Variants in CSMD2 observed in about 807,000 individuals in gnomAD.
The protein encoded by CSMD2 is CUB and sushi domain-containing protein 2.
Under a neutral mutation model 398.5 loss-of-function variants are expected in CSMD2, and 130 were observed. The ratio of observed to expected loss-of-function variants is 0.33; its 90% CI spans 0.28 to 0.38. CSMD2 has a LOEUF of 0.38. CSMD2 is among the 10% of genes least tolerant of loss of function. The pLI is 1.00. For synonymous variants in CSMD2, 1,828 were observed against 1,908.5 expected (o/e 0.96, Z 1.10); for missense variants, 3,829 against 4,764.9 (o/e 0.80, Z 5.78).
chr1:34,134,909 G>A (rs1638560294), intron 1 of CSMD2, among the ~76,000 whole-genome samples: 1 of 152,182 alleles, frequency 6.6e-6, no homozygotes, highest in African/African-American at 2.4e-5. Flanking sequence ...TTAAAAAGTT[G>A]TTGGGAAAGG....
chr1:33,644,299 A>G (rs1156545343), intron 29 of CSMD2, among the ~76,000 whole-genome samples: 3 of 152,216 alleles, frequency 2.0e-5, no homozygotes, highest in Non-Finnish European at 4.4e-5. Flanking sequence ...GGCCACAGGC[A>G]GGTAGGCATG....
intron 5 of CSMD2, among the ~76,000 whole-genome samples, chr1:33,854,312 A>G (rs1638919052): frequency 6.6e-6 from 1 of 152,230 alleles, no homozygotes; most frequent in South Asian, 2.1e-4. Flanking sequence ...ACATAAAGAA[A>G]GGGCTCAGTA....
intron 48 of CSMD2, among the ~76,000 whole-genome samples, chr1:33,578,476 G>T (rs956102738): frequency 6.6e-6 from 1 of 152,200 alleles, no homozygotes; most frequent in Non-Finnish European, 1.5e-5. Context: ...TACTCGGGAG[G>T]CTAAGGCAGG....
chr1:33,845,802 G>A (rs1158575580), intron 6 of CSMD2, among the ~76,000 whole-genome samples: 1 of 152,206 alleles, frequency 6.6e-6, no homozygotes, highest in East Asian at 1.9e-4. Context: ...TCTTCCTTCA[G>A]AGCTGCTTTT....
intron 68 of CSMD2, among the ~76,000 whole-genome samples, chr1:33,521,010 T>A (rs1309863111): frequency 1.3e-5 from 2 of 152,220 alleles, no homozygotes; most frequent in African/African-American, 2.4e-5. Context: ...GTGGCCTTAA[T>A]GCTCAGTTTT....
intron 3 of CSMD2, among the ~76,000 whole-genome samples, chr1:34,005,483 C>A (rs747186419): frequency 3.9e-5 from 6 of 152,238 alleles, no homozygotes; most frequent in Non-Finnish European, 8.8e-5. Context: ...ACTGCAGGCT[C>A]TACCACGCCC....
intron 15 of CSMD2, among the ~76,000 whole-genome samples, chr1:33,734,941 G>A (rs751996970): frequency 6.6e-6 from 1 of 152,116 alleles, no homozygotes; most frequent in Non-Finnish European, 1.5e-5. Context: ...TATCATAACT[G>A]ATATGTTTGT....
At chr1:33,962,796 T>G (rs1300177118) in intron 3 of CSMD2, among the ~76,000 whole-genome samples, 1 of 152,234 alleles carries the variant, frequency 6.6e-6, no homozygotes, top group Admixed American at 6.5e-5. Context: ...AGATCCTCTT[T>G]AAAATTGCAT....
At chr1:33,962,837 T>C (rs1251576903) in intron 3 of CSMD2, among the ~76,000 whole-genome samples, 3 of 152,212 alleles carry the variant, frequency 2.0e-5, no homozygotes, top group Admixed American at 6.5e-5. Context: ...CTCTATTCCC[T>C]GCTTCCTTTT....
intron 9 of CSMD2, among the ~76,000 whole-genome samples, chr1:33,815,918 T>G (rs1476075503): frequency 1.3e-5 from 2 of 151,966 alleles, no homozygotes; most frequent in Non-Finnish European, 2.9e-5. Context: ...AGAGAAGAGA[T>G]CTGAAAATAG....
intron 35 of CSMD2, 103 bp from the exon 36 acceptor site, chr1:33,623,569 G>T: frequency 6.2e-6 from 5 of 810,752 alleles, no homozygotes; most frequent in South Asian, 5.9e-5. Flanking sequence ...AATTTGTTGA[G>T]AATCTACTCT....
chr1:33,817,081 C>A (rs562654580), intron 9 of CSMD2, among the ~76,000 whole-genome samples: 11 of 152,214 alleles, frequency 7.2e-5, no homozygotes, highest in African/African-American at 2.4e-4. Context: ...CTAAAAATCA[C>A]AGAATAGTGA....
chr1:33,895,435 G>A (rs1642315355), intron 5 of CSMD2, among the ~76,000 whole-genome samples: 1 of 152,186 alleles, frequency 6.6e-6, no homozygotes, highest in Non-Finnish European at 1.5e-5. Flanking sequence ...CCAAGGAGGT[G>A]TGGGCCAAAA....
chr1:34,083,399 T>A (rs1378427627), intron 2 of CSMD2, among the ~76,000 whole-genome samples: 2 of 152,234 alleles, frequency 1.3e-5, no homozygotes, highest in East Asian at 3.8e-4. Context: ...TGTAAATTAA[T>A]TATGAGTGGA....
chr1:33,964,258 G>A (rs1645477284), intron 3 of CSMD2, among the ~76,000 whole-genome samples: 1 of 152,124 alleles, frequency 6.6e-6, no homozygotes, highest in South Asian at 2.1e-4. Flanking sequence ...ATGTCTCAAT[G>A]TGTTCAGCTA....
chr1:33,720,567 G>T (rs1041224851), intron 19 of CSMD2, among the ~76,000 whole-genome samples: 1 of 152,226 alleles, frequency 6.6e-6, no homozygotes, highest in African/African-American at 2.4e-5. Flanking sequence ...TAAAGCTCTA[G>T]AGGAGAAGGG....
chr1:33,557,858 C>T lies in CSMD2; in HGVS notation c.8619G>A (p.Pro2873=), dbSNP rs377461619. Residue 2873 remains proline (P), a synonymous_variant, in exon 55 of 71, where the codon CCG becomes CCA. Transcript: ENST00000373381. ...NSVRQVHASG[P]HRFSFGTTVS... is the part of the protein sequence containing the mutation. The stretch of plus-strand genomic sequence containing the variant: ...CAGTGGTGCCGAAGCTGAACCTGTG[C>T]GGGCCGCTGGCGTGGACCTGACGAA... 25 of 1,536,030 alleles carry T rather than the reference C, an allele frequency of 1.6e-5. 1 individual carries two copies. Among genetic ancestry groups the T allele is most frequent in the Middle Eastern group, 1.7e-4 (1 of 5,990 alleles).
At chr1:33,773,910 G>C (rs1219947065) in intron 12 of CSMD2, among the ~76,000 whole-genome samples, 2 of 152,142 alleles carry the variant, frequency 1.3e-5, no homozygotes, top group African/African-American at 4.8e-5. Context: ...CACAGTCCCT[G>C]AAGTTGGTGT....
At chr1:33,763,406 G>T (rs759923409) in intron 13 of CSMD2, among the ~76,000 whole-genome samples, 17 of 152,136 alleles carry the variant, frequency 1.1e-4, no homozygotes, top group Non-Finnish European at 1.9e-4. Flanking sequence ...GAATTTTGGG[G>T]GACAAGGCCA....
Sources: allele counts gnomAD v4.1 joint callset (sites outside exome capture counted in the v4.1 genomes callset), GRCh38; gene constraint gnomAD v4.1.1; transcripts MANE v1.5; gene names NCBI Gene and HGNC (gene_info 2026-07-23, HGNC 2026-07-21).